NCAM1: variants seen among roughly 807,000 people sequenced by gnomAD.
NCAM1 encodes the protein neural cell adhesion molecule 1, also known as antigen recognized by monoclonal antibody 5.1H11.
NCAM1 carries 14 observed loss-of-function variants against 109.8 expected under a neutral mutation model. The ratio of observed to expected loss-of-function variants is 0.13; its 90% CI spans 0.08 to 0.20. NCAM1 has a LOEUF of 0.20. NCAM1 is among the 10% of genes least tolerant of loss of function. The pLI is 1.00. For synonymous variants in NCAM1, 418 were observed against 442.9 expected, an observed-to-expected ratio of 0.94 and a Z score of 0.70; for missense variants, 774 against 1,109.9, an observed-to-expected ratio of 0.70 and a Z score of 4.30.
intron 7 of NCAM1, among the ~76,000 whole-genome samples, chr11:113,212,857 C>T (rs1025397843): frequency 6.6e-6 from 1 of 152,272 alleles, no homozygotes; most frequent in East Asian, 1.9e-4. Flanking sequence ...AAGGAAAACA[C>T]AATAGGGAAA....
intron 1 of NCAM1, among the ~76,000 whole-genome samples, chr11:113,108,630 C>T (rs1940277407): frequency 6.6e-6 from 1 of 152,074 alleles, no homozygotes; most frequent in South Asian, 2.1e-4. Flanking sequence ...ATCCTTTCTT[C>T]ATATGCTCAT....
At chr11:113,212,499 G>T (rs879955987) in intron 7 of NCAM1, among the ~76,000 whole-genome samples, 1 of 152,098 alleles carries the variant, frequency 6.6e-6, no homozygotes, top group African/African-American at 2.4e-5. Context: ...ACAAAGTACC[G>T]CAGGTCAGGA....
rs75081801 is a variant in NCAM1, at chr11:113,074,327, T to A, written c.52+112663T>A. 9.6e-3 allele frequency among the ~76,000 whole-genome samples: 1,459 copies of A among 152,318 alleles called. 24 individuals carry two copies. The highest frequency in any genetic ancestry group is 0.033 in the African/African-American group (1,392 of 41,560). ...TGTAAATGGTACCCCTGGATTTGTA[T>A]AGCCTGGTGGCCCTGGCTGTGGCAG... On this transcript the variant is annotated intron_variant, in intron 1 of 19. Coordinates refer to ENST00000316851, the MANE Select transcript of NCAM1 (RefSeq NM_181351.5).
intron 1 of NCAM1, among the ~76,000 whole-genome samples, chr11:113,166,164 A>G (rs1942790593): frequency 6.6e-6 from 1 of 152,016 alleles, no homozygotes; most frequent in Non-Finnish European, 1.5e-5. Context: ...GCCTGTTTAT[A>G]TTTCCCGCCT....
At chr11:113,098,203 G>T (rs939592646) in intron 1 of NCAM1, among the ~76,000 whole-genome samples, 1 of 152,156 alleles carries the variant, frequency 6.6e-6, no homozygotes, top group Non-Finnish European at 1.5e-5. Flanking sequence ...AACAGGAGGA[G>T]CATGGAATCA....
At chr11:113,078,672 G>A (rs1938643532) in intron 1 of NCAM1, among the ~76,000 whole-genome samples, 1 of 152,064 alleles carries the variant, frequency 6.6e-6, no homozygotes, top group African/African-American at 2.4e-5. Context: ...GCGCATTTTA[G>A]TGAGTCATCT....
intron 1 of NCAM1, among the ~76,000 whole-genome samples, chr11:113,058,914 A>G (rs1337833599): frequency 6.6e-6 from 1 of 152,232 alleles, no homozygotes; most frequent in Non-Finnish European, 1.5e-5. Context: ...AATTGGAAAC[A>G]TAACTATGAT....
intron 1 of NCAM1, among the ~76,000 whole-genome samples, chr11:113,179,299 T>C (rs544313122): frequency 6.6e-6 from 1 of 152,358 alleles, no homozygotes; most frequent in Admixed American, 6.5e-5. Flanking sequence ...AACTTGTTGA[T>C]TCCTAAGTAA....
Position 113,194,225 on chromosome 11 carries a change from C to A in NCAM1, c.53-8154C>A, listed in dbSNP as rs540680594. ...TGGTAATAAAATATCGGATAATCAT[C>A]CAGGGCTCGGTTGTGAAGGGATATT... is the stretch of plus-strand genomic sequence containing the variant. On this transcript the variant is annotated intron_variant, in intron 1 of 19. Coordinates refer to ENST00000316851, the MANE Select transcript of NCAM1 (RefSeq NM_181351.5). Among the ~76,000 whole-genome samples the A allele has an allele frequency of 7.9e-5, 12 of 152,302 alleles. No individual in the cohort carries two copies. The East Asian group carries it at 2.3e-3, about 29-fold the overall frequency.
intron 1 of NCAM1, among the ~76,000 whole-genome samples, chr11:113,183,984 T>G (rs1017592572): frequency 7.2e-5 from 11 of 152,250 alleles, no homozygotes; most frequent in Non-Finnish European, 1.0e-4. Flanking sequence ...TAGAGGTCCA[T>G]GCTGAATGCT....
At chr11:113,048,781 A>G (rs1953359729) in intron 1 of NCAM1, among the ~76,000 whole-genome samples, 1 of 152,224 alleles carries the variant, frequency 6.6e-6, no homozygotes. Flanking sequence ...AGGTGTCCCC[A>G]TGGAGAATCA....
At chr11:113,254,311 CT>C (rs1243583873) in intron 15 of NCAM1, among the ~76,000 whole-genome samples, 3 of 152,138 alleles carry the variant, frequency 2.0e-5, no homozygotes, top group African/African-American at 7.2e-5. Context: ...TTTATTTGTC[CT>C]TAATTATTGA....
intron 1 of NCAM1, among the ~76,000 whole-genome samples, chr11:113,093,555 C>T (rs1939458206): frequency 6.6e-6 from 1 of 152,150 alleles, no homozygotes. Flanking sequence ...TTATGAAGCA[C>T]AGCTGGATAG....
Position 113,053,740 on chromosome 11 carries a change from G to T in NCAM1, c.52+92076G>T, listed in dbSNP as rs150332290. Among the ~76,000 whole-genome samples, 343 of 152,260 alleles carry T rather than the reference G, an allele frequency of 2.3e-3. 4 individuals are homozygous for T. Among genetic ancestry groups the T allele is most frequent in the African/African-American group, 8.0e-3 (334 of 41,548 alleles). ...CTGTCCCTGCTTATAACTTAAGTGAGGGTCACACTGACAGTAATGATATTA... is the reference window on the plus strand; with the variant it reads ...CTGTCCCTGCTTATAACTTAAGTGATGGTCACACTGACAGTAATGATATTA... On this transcript the variant is annotated intron_variant, in intron 1 of 19. Coordinates refer to ENST00000316851, the MANE Select transcript of NCAM1 (RefSeq NM_181351.5).
At chr11:113,260,013 G>T in intron 16 of NCAM1, 133 bp from the exon 17 acceptor site, 1 of 785,246 alleles carries the variant, frequency 1.3e-6, no homozygotes. Context: ...CCCCATCATT[G>T]CTTCTTATTT....
chr11:113,185,387 C>A (rs1943478431), intron 1 of NCAM1, among the ~76,000 whole-genome samples: 1 of 152,084 alleles, frequency 6.6e-6, no homozygotes, highest in Non-Finnish European at 1.5e-5. Context: ...ATGAGGCACA[C>A]CCACATTGGG....
At chr11:113,020,957 A>G (rs549358742) in intron 1 of NCAM1, among the ~76,000 whole-genome samples, 81 of 152,174 alleles carry the variant, frequency 5.3e-4, no homozygotes, top group African/African-American at 1.8e-3. Flanking sequence ...GGATTTCGCC[A>G]TGTTGGCCAG....
chr11:113,094,236 A>G (rs1555089928), intron 1 of NCAM1, among the ~76,000 whole-genome samples: 1 of 152,206 alleles, frequency 6.6e-6, no homozygotes, highest in Non-Finnish European at 1.5e-5. Flanking sequence ...AATCCAAGAA[A>G]AAAAGGTTGA....
At chr11:113,236,022 A>C (rs1234755263) in intron 14 of NCAM1, among the ~76,000 whole-genome samples, 2 of 152,150 alleles carry the variant, frequency 1.3e-5, no homozygotes, top group African/African-American at 4.8e-5. Flanking sequence ...CCTGGATTTA[A>C]AATGCACCTG....
Sources: gnomAD v4.1 joint callset for allele counts (sites outside exome capture counted in the v4.1 genomes callset) on GRCh38, gnomAD v4.1.1 for gene constraint, MANE v1.5 for transcripts, NCBI Gene and HGNC (gene_info 2026-07-23, HGNC 2026-07-21) for gene names.